Variants in EEPD1 observed in about 807,000 individuals in gnomAD.
EEPD1 encodes endonuclease/exonuclease/phosphatase family domain containing 1.
In EEPD1, 17 loss-of-function variants were observed where a neutral mutation model predicts 46.3. That is an observed-to-expected ratio of 0.37 (90% CI 0.25 to 0.55). The LOEUF (loss-of-function observed/expected upper bound fraction) is 0.55. Ranked by LOEUF, EEPD1 falls within the 20% of genes least tolerant of loss-of-function variation. The probability of loss-of-function intolerance (pLI) is 0.83; values close to 1 mark genes in which losing one functional copy is unlikely to be tolerated. For missense variants in EEPD1, 673 were observed against 745.6 expected, an observed-to-expected ratio of 0.90 and a Z score of 1.13; for synonymous variants, 313 against 315.6, an observed-to-expected ratio of 0.99 and a Z score of 0.09.
chr7:36,157,626 A>G (rs528879628), intron 2 of EEPD1, among the ~76,000 whole-genome samples: 1 of 152,266 alleles, frequency 6.6e-6, no homozygotes, highest in Admixed American at 6.5e-5. Flanking sequence ...GCACCGTCAC[A>G]TTCTCACTCT....
intron 2 of EEPD1, among the ~76,000 whole-genome samples, chr7:36,195,651 G>T (rs895843939): frequency 7.2e-5 from 11 of 151,822 alleles, no homozygotes; most frequent in Non-Finnish European, 1.3e-4. Flanking sequence ...ATTTCAGTTA[G>T]ATAGGAGGGA....
intron 3 of EEPD1, among the ~76,000 whole-genome samples, chr7:36,245,545 C>T (rs1432503894): frequency 6.6e-6 from 1 of 152,098 alleles, no homozygotes; most frequent in Admixed American, 6.6e-5. Flanking sequence ...GAGGTGGGGG[C>T]CCCTTGTGGG....
Position 36,266,375 on chromosome 7 carries a change from G to A in EEPD1, c.931-14740G>A, listed in dbSNP as rs541460774. Among the ~76,000 whole-genome samples the A allele has an allele frequency of 2.0e-4, 31 of 152,084 alleles. 1 individual carries two copies. Among genetic ancestry groups the A allele is most frequent in the East Asian group, 7.7e-4 (4 of 5,176 alleles). On this transcript the variant is annotated intron_variant, in intron 3 of 7. Transcript: ENST00000242108. ...TATGTGAAGAGACGTTTGAATCCTC[G>A]CAGTCTAGAGGCAGCCTCCCCAGGG... is the stretch of plus-strand genomic sequence containing the variant.
chr7:36,201,198 T>C (rs1216438345), intron 2 of EEPD1, among the ~76,000 whole-genome samples: 1 of 151,976 alleles, frequency 6.6e-6, no homozygotes, highest in Non-Finnish European at 1.5e-5. Context: ...CAGCCCCAGA[T>C]TGGAGGAGAC....
At chr7:36,251,612 C>G (rs1298346320) in intron 3 of EEPD1, among the ~76,000 whole-genome samples, 3 of 152,054 alleles carry the variant, frequency 2.0e-5, no homozygotes, top group African/African-American at 7.2e-5. Context: ...GCCTGGCCCC[C>G]TACTGGTAGT....
At chr7:36,197,410 G>A (rs1169037148) in intron 2 of EEPD1, among the ~76,000 whole-genome samples, 2 of 152,228 alleles carry the variant, frequency 1.3e-5, no homozygotes, top group African/African-American at 4.8e-5. Context: ...CGTCTGGGAG[G>A]TGTACCCAAC....
intron 3 of EEPD1, among the ~76,000 whole-genome samples, chr7:36,256,813 C>G (rs1786835049): frequency 6.6e-6 from 1 of 152,098 alleles, no homozygotes; most frequent in Admixed American, 6.5e-5. Flanking sequence ...GGACATTTAG[C>G]CCATTTACAT....
intron 3 of EEPD1, among the ~76,000 whole-genome samples, chr7:36,250,467 C>G (rs1691046223): frequency 6.6e-6 from 1 of 152,116 alleles, no homozygotes; most frequent in African/African-American, 2.4e-5. Flanking sequence ...TCAGAACAAC[C>G]TATGGCCAGT....
At chr7:36,173,001 G>A (rs1419589058) in intron 2 of EEPD1, among the ~76,000 whole-genome samples, 1 of 152,056 alleles carries the variant, frequency 6.6e-6, no homozygotes, top group African/African-American at 2.4e-5. Flanking sequence ...CAGAATTGGA[G>A]GACACCCAGC....
At position 36,227,294 on chromosome 7, in the gene EEPD1, T is replaced by G. The variant is rs73690330; in HGVS notation, c.879-11691T>G. On this transcript the variant is annotated intron_variant, in intron 2 of 7. Transcript: ENST00000242108. ...CTGCCCAGATTGTTTTGCAGACTAA[T>G]TCTTTCAAACCCGCTAAGAACAGTT... Among the ~76,000 whole-genome samples the G allele has an allele frequency of 6.9e-3, 1,046 of 152,332 alleles. 16 individuals are homozygous for G. Among genetic ancestry groups the G allele is most frequent in the African/African-American group, 0.024 (993 of 41,568 alleles).
intron 3 of EEPD1, among the ~76,000 whole-genome samples, chr7:36,243,027 A>G (rs1166451445): frequency 6.6e-6 from 1 of 152,178 alleles, no homozygotes; most frequent in Non-Finnish European, 1.5e-5. Flanking sequence ...CTGATTAAAA[A>G]GCCAACAAGA....
Position 36,300,855 on chromosome 7 carries a change from C to T in EEPD1, c.*1649C>T, listed in dbSNP as rs534091241. On this transcript the variant is annotated 3_prime_UTR_variant, in exon 8 of 8. Coordinates refer to ENST00000242108, the MANE Select transcript of EEPD1 (RefSeq NM_030636.3). ...TCTCTCCAGTGGGAGGGCGGCAGCT[C>T]CTGTCCCTGGGTTCAGGCTGTGCTT... The T allele has an allele frequency of 6.6e-6, 1 of 152,388 alleles. No homozygotes were observed. Among genetic ancestry groups the T allele is most frequent in the African/African-American group, 2.4e-5 (1 of 41,568 alleles). 9.4% of individuals were successfully genotyped at this position (152,388 alleles called of 1,614,324 possible). A position where few individuals can be genotyped will look rare whatever the true frequency, so the allele number is the denominator to read the frequency against.
chr7:36,259,247 A>G (rs939015326), intron 3 of EEPD1, among the ~76,000 whole-genome samples: 1 of 152,160 alleles, frequency 6.6e-6, no homozygotes, highest in Non-Finnish European at 1.5e-5. Flanking sequence ...CACTTTCTCC[A>G]TTGATCTTGC....
chr7:36,295,553 T>C (rs1787509950), intron 6 of EEPD1, among the ~76,000 whole-genome samples: 1 of 152,214 alleles, frequency 6.6e-6, no homozygotes, highest in Non-Finnish European at 1.5e-5. Flanking sequence ...CTTCATTTTC[T>C]ACAAATGGAA....
intron 3 of EEPD1, among the ~76,000 whole-genome samples, chr7:36,254,794 A>G (rs993923353): frequency 6.6e-6 from 1 of 152,166 alleles, no homozygotes; most frequent in Non-Finnish European, 1.5e-5. Context: ...CCTCTCCAGC[A>G]TCTGTTGTTT....
chr7:36,239,103 C>T, intron 3 of EEPD1, 67 bp downstream of exon 3: 1 of 1,491,930 alleles, frequency 6.7e-7, no homozygotes, highest in Non-Finnish European at 9.3e-7. Flanking sequence ...AAGAAAAATT[C>T]AACTCCCTGT....
intron 2 of EEPD1, among the ~76,000 whole-genome samples, chr7:36,155,679 A>G (rs1562667055): frequency 1.3e-5 from 2 of 152,224 alleles, no homozygotes; most frequent in African/African-American, 2.4e-5. Flanking sequence ...ACAAGTGTCT[A>G]TATTTACCAA....
At chr7:36,244,767 A>ACTT (rs1175045987) in intron 3 of EEPD1, among the ~76,000 whole-genome samples, 1 of 108,436 alleles carries the variant, frequency 9.2e-6, no homozygotes, top group African/African-American at 3.5e-5. Context: ...TTCAGAGTTG[A>ACTT]TTTTTTTTTT....
At chr7:36,261,800 G>C (rs1023251900) in intron 3 of EEPD1, among the ~76,000 whole-genome samples, 3 of 152,200 alleles carry the variant, frequency 2.0e-5, no homozygotes, top group Non-Finnish European at 4.4e-5. Flanking sequence ...GATTGAACAG[G>C]CCATTAAAGC....
Sources: allele counts gnomAD v4.1 joint callset (sites outside exome capture counted in the v4.1 genomes callset), GRCh38; gene constraint gnomAD v4.1.1; transcripts MANE v1.5; gene names NCBI Gene and HGNC (gene_info 2026-07-23, HGNC 2026-07-21).